Variants in ANKRD26 observed in about 807,000 individuals in gnomAD.
ANKRD26 encodes ankyrin repeat domain 26, also known as ankyrin repeat domain-containing protein 26.
In ANKRD26, 141 loss-of-function variants were observed where a neutral mutation model predicts 208.7. The observed-to-expected ratio is 0.68, with a 90% CI of 0.59 to 0.78. The LOEUF (loss-of-function observed/expected upper bound fraction) is 0.78. Among genes scored for constraint, ANKRD26 ranks in the 30% least tolerant of loss-of-function variants. The pLI is 0.00. For missense variants in ANKRD26, 1,889 were observed against 1,938.7 expected (o/e 0.97, Z 0.48); for synonymous variants, 636 against 660.4 (o/e 0.96, Z 0.57).
chr10:27,039,682 A>G (rs2054164908), intron 21 of ANKRD26, among the ~76,000 whole-genome samples: 1 of 152,206 alleles, frequency 6.6e-6, no homozygotes, highest in Non-Finnish European at 1.5e-5. Context: ...TCCAGCATTA[A>G]CTATAATACA....
intron 15 of ANKRD26, among the ~76,000 whole-genome samples, chr10:27,057,419 GA>G (rs1175325155): frequency 6.6e-6 from 1 of 152,004 alleles, no homozygotes; most frequent in African/African-American, 2.4e-5. Flanking sequence ...ATTCTTCAGG[GA>G]TATGAATTTT....
Position 27,039,972 on chromosome 10 carries a change from A to G in ANKRD26, c.2368T>C (p.Ser790Pro). Residue 790 changes from serine (S) to proline (P), a missense_variant, in exon 21 of 34, where the codon TCT becomes CCT. By Grantham distance (74) the Ser-to-Pro change is moderately conservative (BLOSUM62 -1). Coordinates refer to ENST00000376087, the MANE Select transcript of ANKRD26 (RefSeq NM_014915.3). Reference sequence around the variant, plus strand: ...AAAACTAGGCTATCATACCTCAAAGAGCACAGTTCTCGTTCCCATTCAACT... The same window carrying G: ...AAAACTAGGCTATCATACCTCAAAGGGCACAGTTCTCGTTCCCATTCAACT... ...QKVEWERELCSLRFSLNQEEE... is the reference protein window; with the variant it reads ...QKVEWERELCPLRFSLNQEEE... 6.2e-7 allele frequency: 1 copy of G among 1,613,184 alleles called. No individual in the cohort carries two copies. The highest frequency in any genetic ancestry group is 1.3e-5 in the African/African-American group (1 of 75,032).
At chr10:27,026,736 T>G (rs1425360109) in intron 27 of ANKRD26, among the ~76,000 whole-genome samples, 1 of 152,130 alleles carries the variant, frequency 6.6e-6, no homozygotes, top group Non-Finnish European at 1.5e-5. Flanking sequence ...GGTACATCAA[T>G]AAATTGGTAT....
At chr10:27,036,338 AG>A (rs2054043341) in intron 23 of ANKRD26, among the ~76,000 whole-genome samples, 1 of 151,730 alleles carries the variant, frequency 6.6e-6, no homozygotes, top group Non-Finnish European at 1.5e-5. Context: ...AGTTTTGAAA[AG>A]GAAAAGTTAA....
At chr10:26,986,047 A>T (rs2052381141) in intron 3 of ANKRD26, among the ~76,000 whole-genome samples, 1 of 152,234 alleles carries the variant, frequency 6.6e-6, no homozygotes, top group Non-Finnish European at 1.5e-5. Flanking sequence ...GGCTACAGTA[A>T]CCAAAACAGC....
intron 5 of ANKRD26, among the ~76,000 whole-genome samples, 179 bp from the exon 6 acceptor site, chr10:27,083,012 A>G (rs1254187885): frequency 6.6e-6 from 1 of 152,130 alleles, no homozygotes; most frequent in African/African-American, 2.4e-5. Flanking sequence ...AAAAAAGTTA[A>G]TCTTCCCTGC....
chr10:26,988,586 G>A (rs765764564), downstream of ANKRD26, among the ~76,000 whole-genome samples: 3 of 152,100 alleles, frequency 2.0e-5, no homozygotes, highest in Non-Finnish European at 2.9e-5. Flanking sequence ...ATTCTCTTCA[G>A]GTGAAGGCAA....
chr10:26,966,143 A>G, the ANKRD26 span, among the ~76,000 whole-genome samples: 1 of 152,242 alleles, frequency 6.6e-6, no homozygotes, highest in Non-Finnish European at 1.5e-5. Flanking sequence ...TATATATCCA[A>G]AGGGCTATAA....
chr10:27,046,284 A>G, intron 18 of ANKRD26, 69 bp downstream of exon 18: 1 of 1,463,462 alleles, frequency 6.8e-7, no homozygotes. Context: ...AGACTACATC[A>G]TTCTATTTTC....
intron 1 of ANKRD26, among the ~76,000 whole-genome samples, chr10:27,097,016 T>C (rs892721276): frequency 1.3e-5 from 2 of 150,584 alleles, no homozygotes; most frequent in Admixed American, 6.6e-5. Flanking sequence ...ACCCCATCTA[T>C]ACTAAAAATA....
intron 24 of ANKRD26, among the ~76,000 whole-genome samples, chr10:27,033,714 T>C (rs2053956880): frequency 6.6e-6 from 1 of 152,232 alleles, no homozygotes; most frequent in East Asian, 1.9e-4. Context: ...TGATTAATTG[T>C]ACCCTATGAA....
chr10:26,972,210 G>A (rs1435007667), downstream of ANKRD26, among the ~76,000 whole-genome samples: 1 of 150,654 alleles, frequency 6.6e-6, no homozygotes, highest in East Asian at 1.9e-4. Context: ...ACTCCAGCCT[G>A]GGCGACAGAG....
At chr10:27,083,856 C>G (rs1173955822) in intron 5 of ANKRD26, among the ~76,000 whole-genome samples, 2 of 152,224 alleles carry the variant, frequency 1.3e-5, no homozygotes, top group Non-Finnish European at 2.9e-5. Flanking sequence ...ATGTTATTCA[C>G]TTACATATTA....
chr10:27,100,041 G>A lies in ANKRD26; in HGVS notation c.242+44C>T, dbSNP rs770528079. 4.3e-6 allele frequency: 7 copies of A among 1,611,206 alleles called. No homozygotes were observed. In the South Asian group the frequency reaches 6.6e-5, roughly 15 times the overall value. On this transcript the variant is annotated intron_variant, in intron 1 of 33. Coordinates refer to ENST00000376087, the MANE Select transcript of ANKRD26 (RefSeq NM_014915.3). ...ACAAAAGGGGCCCCTCTTCCTGCCC[G>A]CCTACTCCAGTGGCACTCAGTCCGG...
At chr10:27,039,585 T>C (rs1005138859) in intron 21 of ANKRD26, among the ~76,000 whole-genome samples, 1 of 152,162 alleles carries the variant, frequency 6.6e-6, no homozygotes, top group African/African-American at 2.4e-5. Flanking sequence ...AAAATTCCTA[T>C]ACTTTAAACG....
In ANKRD26 at chr10:27,013,159, A is replaced by G. The variant is rs1300578462; in HGVS notation, c.4725-49T>C. On this transcript the variant is annotated intron_variant, in intron 31 of 33. Transcript: ENST00000376087. ...TGCTTAGTATTTTACTTTTCCCTAA[A>G]TGATTCCTAAAAGACTTGCAATTTT... is the stretch of plus-strand genomic sequence containing the variant. The G allele has an allele frequency of 2.6e-6, 4 of 1,526,036 alleles. No individual in the cohort carries two copies. In the African/African-American group the frequency reaches 5.5e-5, roughly 21 times the overall value. The allele number at this position is 1,526,036 out of a possible 1,614,324, so 94.5% of individuals were successfully genotyped here.
Position 27,046,365 on chromosome 10 carries a change from T to A in ANKRD26, c.1973A>T (p.Glu658Val). 1 of 1,614,072 alleles carries A rather than the reference T, an allele frequency of 6.2e-7. No individual in the cohort carries two copies. Among genetic ancestry groups the A allele is most frequent in the Non-Finnish European group, 8.5e-7 (1 of 1,179,976 alleles). Reference sequence around the variant, plus strand: ...TCATAGATTTTACCTTCCTTCATCCTCATCTATTTCACTTAAACTGCTGTC... The same window carrying A: ...TCATAGATTTTACCTTCCTTCATCCACATCTATTTCACTTAAACTGCTGTC... The part of the protein sequence containing the change: ...DDDSSLSEID[E>V]DEGRPTKKTS... Residue 658 changes from glutamate to valine, a missense_variant, in exon 18 of 34, where the codon GAG becomes GTG. Physicochemically the swap from Glu to Val is moderately radical, Grantham distance 121 (BLOSUM62 -2). Transcript: ENST00000376087.
At chr10:27,076,419 T>C (rs575004358) in intron 9 of ANKRD26, among the ~76,000 whole-genome samples, 14 of 152,120 alleles carry the variant, frequency 9.2e-5, no homozygotes, top group African/African-American at 3.4e-4. Context: ...CCCACCACCA[T>C]GCCTGGCTAA....
intron 32 of ANKRD26, among the ~76,000 whole-genome samples, chr10:27,009,125 C>T (rs1288000494): frequency 3.3e-5 from 5 of 152,170 alleles, no homozygotes; most frequent in Non-Finnish European, 7.3e-5. Flanking sequence ...AGGCAGGAGC[C>T]ACCATGCCTG....
Sources: allele counts gnomAD v4.1 joint callset (sites outside exome capture counted in the v4.1 genomes callset), GRCh38; gene constraint gnomAD v4.1.1; transcripts MANE v1.5; gene names NCBI Gene and HGNC (gene_info 2026-07-23, HGNC 2026-07-21).